Variants in DAPK2 observed in about 807,000 individuals in gnomAD.
DAPK2 encodes the protein death-associated protein kinase 2.
DAPK2 carries 35 observed loss-of-function variants against 44.1 expected under a neutral mutation model. The ratio of observed to expected loss-of-function variants is 0.79; its 90% CI spans 0.61 to 1.05. DAPK2 has a LOEUF of 1.05. DAPK2 is among the 50% of genes least tolerant of loss of function. The pLI is 0.00. For synonymous variants in DAPK2, 174 were observed against 182.6 expected (o/e 0.95, Z 0.38); for missense variants, 453 against 483.2 (o/e 0.94, Z 0.59).
At chr15:64,029,117 T>C (rs1211049423) in intron 1 of DAPK2, among the ~76,000 whole-genome samples, 2 of 151,186 alleles carry the variant, frequency 1.3e-5, no homozygotes, top group African/African-American at 4.9e-5. Flanking sequence ...TGGTTTCCAT[T>C]TCCCCCACAT....
intron 3 of DAPK2, among the ~76,000 whole-genome samples, chr15:63,955,499 C>A (rs914428689): frequency 6.6e-6 from 1 of 152,052 alleles, no homozygotes; most frequent in African/African-American, 2.4e-5. Context: ...CCTCTTAGAA[C>A]GACTTTGGAA....
At chr15:63,971,453 G>C in exon 3 of DAPK2, 1 of 1,614,188 alleles carries the variant, frequency 6.2e-7, no homozygotes, top group Non-Finnish European at 8.5e-7. Context: ...TTTTCTTTGT[G>C]TGAAGGTAGT....
chr15:63,971,005 G>A (rs1178773251), intron 3 of DAPK2, among the ~76,000 whole-genome samples: 1 of 152,176 alleles, frequency 6.6e-6, no homozygotes, highest in Non-Finnish European at 1.5e-5. Flanking sequence ...GGATGATGGA[G>A]GCTGCACTAT....
At chr15:63,926,285 C>A (rs2079262924) in intron 6 of DAPK2, 192 bp from the exon 8 acceptor site, 1 of 543,050 alleles carries the variant, frequency 1.8e-6, no homozygotes, top group Non-Finnish European at 3.2e-6. Flanking sequence ...TCATGGAGCT[C>A]CTCCTAAGCA....
chr15:64,028,965 T>A (rs372737975), intron 1 of DAPK2, among the ~76,000 whole-genome samples: 1 of 152,184 alleles, frequency 6.6e-6, no homozygotes, highest in African/African-American at 2.4e-5. Flanking sequence ...AAAATATTTT[T>A]AAGTATATGA....
chr15:64,033,184 C>CA (rs2080065552), intron 1 of DAPK2, among the ~76,000 whole-genome samples: 1 of 150,348 alleles, frequency 6.7e-6, no homozygotes, highest in Non-Finnish European at 1.5e-5. Context: ...TGCTTGAGCC[C>CA]AGGAGGTCGA....
chr15:63,983,909 T>C (rs1186483282), intron 1 of DAPK2, among the ~76,000 whole-genome samples, 155 bp from the exon 3 acceptor site: 1 of 152,164 alleles, frequency 6.6e-6, no homozygotes, highest in African/African-American at 2.4e-5. Context: ...TGACAACCTG[T>C]GGATGAGATG....
intron 3 of DAPK2, among the ~76,000 whole-genome samples, chr15:63,963,399 C>T (rs2077966515): frequency 6.6e-6 from 1 of 152,250 alleles, no homozygotes; most frequent in South Asian, 2.1e-4. Flanking sequence ...GCAGAAATCA[C>T]CCATCTTCTG....
At chr15:63,935,361 G>C (rs1181774561) in intron 4 of DAPK2, among the ~76,000 whole-genome samples, 1 of 152,148 alleles carries the variant, frequency 6.6e-6, no homozygotes, top group Non-Finnish European at 1.5e-5. Flanking sequence ...AAAGTCCTGG[G>C]ATTACAGGCA....
At chr15:63,932,162 GT>G (rs1220702215) in intron 4 of DAPK2, among the ~76,000 whole-genome samples, 3,509 of 54,122 alleles carry the variant, frequency 0.065, 172 homozygotes, top group African/African-American at 0.11. Context: ...GTGAGACCCT[GT>G]TTAAAAAAAA....
chr15:63,952,305 C>T lies in DAPK2; in HGVS notation c.454-12944G>A, dbSNP rs192130070. On this transcript the variant is annotated intron_variant, in intron 3 of 10. Transcript: ENST00000261891. The stretch of plus-strand genomic sequence containing the variant: ...AGAAAGGCAGATTAGTTCTTAGTTA[C>T]GCTTTTCAGAGGTGGCAAGGATGGT... Among the ~76,000 whole-genome samples, 406 of 152,250 alleles carry T rather than the reference C, an allele frequency of 2.7e-3. 1 individual carries two copies. Among genetic ancestry groups the T allele is most frequent in the African/African-American group, 8.9e-3 (368 of 41,544 alleles).
chr15:63,933,595 GA>G (rs1227508570), intron 4 of DAPK2, among the ~76,000 whole-genome samples: 7 of 104,390 alleles, frequency 6.7e-5, no homozygotes, highest in Non-Finnish European at 1.3e-4. Flanking sequence ...AGGACAGATT[GA>G]TTTTTTTTTT....
chr15:63,973,745 G>C (rs532147690), intron 2 of DAPK2, among the ~76,000 whole-genome samples: 1 of 152,316 alleles, frequency 6.6e-6, no homozygotes, highest in South Asian at 2.1e-4. Flanking sequence ...TAATTGGGGT[G>C]GGGGGCAGAG....
At chr15:63,970,235 C>T (rs1435442343) in intron 3 of DAPK2, among the ~76,000 whole-genome samples, 1 of 152,242 alleles carries the variant, frequency 6.6e-6, no homozygotes, top group Non-Finnish European at 1.5e-5. Context: ...AGCTCCCAGA[C>T]CCTTGTGTCT....
In DAPK2 at chr15:63,939,123, G is replaced by A; in HGVS notation, c.583+109C>T. ...ATTAGGTTTCTAGAGATGTCCCAAT[G>A]CATCATCTCTTTGCTCAGAGGCCAT... is the stretch of plus-strand genomic sequence containing the variant. On this transcript the variant is annotated intron_variant, in intron 4 of 10. Transcript: ENST00000261891. The surrounding 1 kb of genome is among the most constrained non-coding windows in gnomAD (Gnocchi z 4.3). 1 of 1,518,758 alleles carries A rather than the reference G, an allele frequency of 6.6e-7. No homozygotes were observed. The highest frequency in any genetic ancestry group is 8.8e-7 in the Non-Finnish European group (1 of 1,133,418). 94.1% of individuals were successfully genotyped at this position (1,518,758 alleles called of 1,614,324 possible). A position where few individuals can be genotyped will look rare whatever the true frequency, so the allele number is the denominator to read the frequency against.
At chr15:63,933,749 C>T (rs1019983549) in intron 4 of DAPK2, among the ~76,000 whole-genome samples, 1 of 151,922 alleles carries the variant, frequency 6.6e-6, no homozygotes, top group Non-Finnish European at 1.5e-5. Context: ...CAGGCATGTG[C>T]CACTATACCA....
chr15:64,012,025 G>C lies in DAPK2; in HGVS notation c.92+28145C>G, dbSNP rs187511476. Among the ~76,000 whole-genome samples the C allele has an allele frequency of 2.0e-3, 309 of 152,280 alleles. 2 individuals carry two copies. Among genetic ancestry groups the C allele is most frequent in the Non-Finnish European group, 3.9e-3 (267 of 68,018 alleles). On this transcript the variant is annotated intron_variant, in intron 1 of 10. Transcript: ENST00000261891. ...CCAGCCTTGATCTCTCTGTGTGTCA[G>C]TTCCTTCCGTAAAGTGCAGACCAGC... is the stretch of plus-strand genomic sequence containing the variant.
In DAPK2 at chr15:63,908,785, C is replaced by A; in HGVS notation, c.1033-185G>T. ...GGGATGGGAGGGATCTGAAACGAGG[C>A]CAGACCAACTGCTTGGAGGAAGGAA... On this transcript the variant is annotated intron_variant, in intron 10 of 10. Transcript: ENST00000261891. The surrounding 1 kb of genome is among the most constrained non-coding windows in gnomAD (Gnocchi z 5.7). 2.3e-6 allele frequency: 1 copy of A among 429,194 alleles called. No homozygotes were observed. The highest frequency in any genetic ancestry group is 4.1e-6 in the Non-Finnish European group (1 of 242,360). 26.6% of individuals were successfully genotyped at this position (429,194 alleles called of 1,614,324 possible). A position where few individuals can be genotyped will look rare whatever the true frequency, so the allele number is the denominator to read the frequency against.
At chr15:63,971,288 A>G (rs997897185) in intron 3 of DAPK2, 135 bp downstream of exon 4, 129 of 1,114,476 alleles carry the variant, frequency 1.2e-4, no homozygotes, top group Non-Finnish European at 1.5e-4. Context: ...CATCTTTCCC[A>G]TGAGCTCAGG....
Sources: gnomAD v4.1 joint callset for allele counts (sites outside exome capture counted in the v4.1 genomes callset) on GRCh38, gnomAD v4.1.1 for gene constraint, Gnocchi (gnomAD v3.1) non-coding constraint, MANE v1.5 for transcripts, NCBI Gene and HGNC (gene_info 2026-07-23, HGNC 2026-07-21) for gene names.